Variants in SYCP1 observed in about 807,000 individuals in gnomAD.
SYCP1 encodes cancer/testis antigen 8.
Under a neutral mutation model 153.1 loss-of-function variants are expected in SYCP1, and 64 were observed. The observed-to-expected ratio is 0.42, with a 90% CI of 0.34 to 0.51. The LOEUF (loss-of-function observed/expected upper bound fraction) is 0.51, where lower values mean the gene tolerates loss of function less well. SYCP1 is among the 20% of genes least tolerant of loss of function. The pLI is 0.06. For missense variants in SYCP1, 997 were observed against 1,049.0 expected (o/e 0.95, Z 0.68); for synonymous variants, 384 against 341.8 (o/e 1.12, Z -1.36).
chr1:114,990,948 C>G (rs928809080), intron 30 of SYCP1, among the ~76,000 whole-genome samples: 2 of 151,886 alleles, frequency 1.3e-5, no homozygotes, highest in African/African-American at 4.8e-5. Flanking sequence ...CCAAGAAAGG[C>G]ATGAAAGTGC....
chr1:114,903,104 C>G (rs1042847952), intron 16 of SYCP1, among the ~76,000 whole-genome samples: 1 of 152,092 alleles, frequency 6.6e-6, no homozygotes, highest in Non-Finnish European at 1.5e-5. Flanking sequence ...CGCTTGAGCC[C>G]GGGAGGCGGA....
intron 20 of SYCP1, among the ~76,000 whole-genome samples, chr1:114,916,110 C>CT (rs1468092711): frequency 6.6e-6 from 1 of 152,062 alleles, no homozygotes; most frequent in Non-Finnish European, 1.5e-5. Context: ...TTGGTCATTG[C>CT]TTATAATCAT....
chr1:114,966,667 C>G (rs1305219869), intron 27 of SYCP1, among the ~76,000 whole-genome samples: 4 of 151,186 alleles, frequency 2.6e-5, no homozygotes, highest in African/African-American at 9.7e-5. Context: ...GAGTGAATTC[C>G]TGTTTTCTTT....
intron 1 of SYCP1, 60 bp downstream of exon 1, chr1:114,855,078 G>C (rs1350332062): frequency 6.5e-6 from 1 of 154,492 alleles, no homozygotes; most frequent in Admixed American, 6.5e-5. Context: ...GGGCGATGTT[G>C]TGCTACTGCA....
Position 114,915,894 on chromosome 1 carries a change from A to C in SYCP1, c.1718+1849A>C, listed in dbSNP as rs1210226100. On this transcript the variant is annotated intron_variant, in intron 20 of 31. Coordinates refer to ENST00000369522, the MANE Select transcript of SYCP1 (RefSeq NM_003176.4). ...AGGGTCTCTGTCTGCAAGACAGGAA[A>C]ATGAAGCTACTGAAGCCCCTGTTGT... Among the ~76,000 whole-genome samples the C allele has an allele frequency of 4.6e-5, 7 of 152,248 alleles. No homozygotes were observed. In the East Asian group the frequency reaches 9.7e-4, roughly 21 times the overall value.
intron 8 of SYCP1, among the ~76,000 whole-genome samples, chr1:114,867,049 G>A (rs1664800845): frequency 6.6e-6 from 1 of 151,958 alleles, no homozygotes; most frequent in Non-Finnish European, 1.5e-5. Context: ...CTTTGTCAAA[G>A]ATCAGTTGAC....
intron 27 of SYCP1, among the ~76,000 whole-genome samples, chr1:114,976,858 T>A (rs1672822891): frequency 6.6e-6 from 1 of 151,792 alleles, no homozygotes; most frequent in Non-Finnish European, 1.5e-5. Context: ...GATACTGGCA[T>A]AGACATCATG....
chr1:114,969,821 A>G (rs138471959), intron 27 of SYCP1, among the ~76,000 whole-genome samples: 17 of 152,292 alleles, frequency 1.1e-4, no homozygotes, highest in South Asian at 4.1e-4. Flanking sequence ...AGAAACCATA[A>G]GAAAAACATA....
chr1:114,984,842 G>T lies in SYCP1; in HGVS notation c.2677G>T (p.Asp893Tyr). ...GGCCTTTGAATTTGATATTAATTCAGATAGTTCAGAAACTACTGATCTTTT... is the reference window on the plus strand; with the variant it reads ...GGCCTTTGAATTTGATATTAATTCATATAGTTCAGAAACTACTGATCTTTT... ...KMAFEFDINS[D>Y]SSETTDLLSM... The change falls in exon 30 of 32, where the codon GAT becomes TAT. Residue 893 changes from aspartate (D) to tyrosine (Y), a missense_variant. Transcript: ENST00000369522. The T allele has an allele frequency of 1.4e-6, 2 of 1,457,686 alleles. No homozygotes were observed. The highest frequency in any genetic ancestry group is 1.8e-6 in the Non-Finnish European group (2 of 1,087,670). The allele number at this position is 1,457,686 out of a possible 1,614,324, so 90.3% of individuals were successfully genotyped here.
At chr1:114,868,052 T>C (rs1334127547) in intron 8 of SYCP1, among the ~76,000 whole-genome samples, 1 of 152,102 alleles carries the variant, frequency 6.6e-6, no homozygotes, top group Non-Finnish European at 1.5e-5. Context: ...TGGATTACAA[T>C]AATTGATTTA....
intron 16 of SYCP1, among the ~76,000 whole-genome samples, chr1:114,908,283 T>A (rs964910882): frequency 1.3e-5 from 2 of 152,122 alleles, no homozygotes; most frequent in Non-Finnish European, 2.9e-5. Context: ...TGTTTTCTAA[T>A]GAGAGACTCA....
At chr1:114,897,974 T>C (rs935385229) in intron 16 of SYCP1, among the ~76,000 whole-genome samples, 1 of 152,210 alleles carries the variant, frequency 6.6e-6, no homozygotes, top group Non-Finnish European at 1.5e-5. Flanking sequence ...TCCCCTGCTG[T>C]CAGTAGCCTT....
At chr1:114,874,129 G>T (rs1388023902) in intron 8 of SYCP1, among the ~76,000 whole-genome samples, 1 of 152,114 alleles carries the variant, frequency 6.6e-6, no homozygotes, top group Non-Finnish European at 1.5e-5. Flanking sequence ...TTCCCACAGA[G>T]TTTTCTGCTT....
chr1:114,994,275 GT>G (rs899667027), intron 30 of SYCP1, among the ~76,000 whole-genome samples: 50 of 151,036 alleles, frequency 3.3e-4, no homozygotes, highest in Middle Eastern at 3.4e-3. Flanking sequence ...AATATTATAA[GT>G]TTTTTTAGAA....
intron 27 of SYCP1, among the ~76,000 whole-genome samples, chr1:114,949,499 C>T (rs113092399): frequency 0.012 from 1,752 of 152,260 alleles, 39 homozygotes; most frequent in African/African-American, 0.04. Context: ...TCAGCCTAGT[C>T]AGCTAAGTTA....
intron 8 of SYCP1, among the ~76,000 whole-genome samples, chr1:114,864,163 G>T (rs1325547305): frequency 1.3e-5 from 2 of 151,922 alleles, no homozygotes; most frequent in Non-Finnish European, 2.9e-5. Context: ...TCTAGTGAGG[G>T]GAGAGGATAC....
Position 114,981,356 on chromosome 1 carries a change from G to A in SYCP1, c.2403G>A (p.Leu801=), listed in dbSNP as rs1453411143. The A allele has an allele frequency of 1.9e-6, 3 of 1,592,568 alleles. No individual in the cohort carries two copies. The highest frequency in any genetic ancestry group is 1.7e-4 in the Middle Eastern group (1 of 5,986). Residue 801 remains leucine, a synonymous_variant, in exon 29 of 32, where the codon TTG becomes TTA. Coordinates refer to ENST00000369522, the MANE Select transcript of SYCP1 (RefSeq NM_003176.4). ...TGCAGAAAACACAAACATTTTTATT[G>A]GAAACACCTGAAATTTATTGGAAAT... ...KKDKKTQTFL[L]ETPEIYWKLD... is the part of the protein sequence containing the mutation.
intron 8 of SYCP1, among the ~76,000 whole-genome samples, chr1:114,868,403 G>A (rs1037612198): frequency 7.9e-5 from 12 of 152,154 alleles, no homozygotes; most frequent in Admixed American, 5.2e-4. Flanking sequence ...AGTCTCCTGA[G>A]TAGCTGGAAT....
chr1:114,976,831 G>T (rs964343548), intron 27 of SYCP1, among the ~76,000 whole-genome samples: 13 of 151,744 alleles, frequency 8.6e-5, no homozygotes, highest in African/African-American at 2.7e-4. Context: ...GTGTATGCAA[G>T]GTATTCAGTG....
Sources: gnomAD v4.1 joint callset for allele counts (sites outside exome capture counted in the v4.1 genomes callset) on GRCh38, gnomAD v4.1.1 for gene constraint, MANE v1.5 for transcripts, NCBI Gene and HGNC (gene_info 2026-07-23, HGNC 2026-07-21) for gene names.